MED12L: variants seen among roughly 807,000 people sequenced by gnomAD.
The protein encoded by MED12L is mediator complex subunit 12L.
In MED12L, 60 loss-of-function variants were observed where a neutral mutation model predicts 281.3. The ratio of observed to expected loss-of-function variants is 0.21; its 90% CI spans 0.17 to 0.26. MED12L has a LOEUF of 0.26. Ranked by LOEUF, MED12L falls within the 10% of genes least tolerant of loss-of-function variation. MED12L has a pLI of 1.00. For missense variants in MED12L, 2,146 were observed against 2,680.9 expected, an observed-to-expected ratio of 0.80 and a Z score of 4.41; for synonymous variants, 974 against 987.2, an observed-to-expected ratio of 0.99 and a Z score of 0.25.
intron 16 of MED12L, among the ~76,000 whole-genome samples, chr3:151,233,214 C>T (rs947499045): frequency 3.3e-5 from 5 of 152,310 alleles, no homozygotes; most frequent in Admixed American, 3.3e-4. Flanking sequence ...CACAGGGTAG[C>T]ACTCTCGTGC....
Position 151,403,728 on chromosome 3 carries a change from A to T in MED12L, c.5821-5515A>T, listed in dbSNP as rs557770775. Among the ~76,000 whole-genome samples the T allele has an allele frequency of 1.1e-4, 17 of 152,334 alleles. No individual in the cohort carries two copies. In the Middle Eastern group the frequency reaches 0.01, roughly 91 times the overall value. ...AAAAAGAGCACACATCTCAGATGTG[A>T]CTGTAAGTTAACTTGTTTCACTGCC... On this transcript the variant is annotated intron_variant, in intron 39 of 44. Coordinates refer to ENST00000687756, the MANE Select transcript of MED12L (RefSeq NM_001393769.1).
chr3:151,326,176 A>C (rs1749565457), intron 16 of MED12L: 1 of 152,588 alleles, frequency 6.6e-6, no homozygotes, highest in South Asian at 2.1e-4. Flanking sequence ...TTCAGGCCCT[A>C]CATACATGTT....
chr3:151,182,101 G>A (rs993413724), intron 11 of MED12L, among the ~76,000 whole-genome samples: 5 of 152,020 alleles, frequency 3.3e-5, no homozygotes, highest in Non-Finnish European at 5.9e-5. Context: ...AATTAGGAGA[G>A]AAAAAATGTC....
At chr3:151,193,761 A>G in intron 16 of MED12L, 95 bp downstream of exon 16, 6 of 1,132,080 alleles carry the variant, frequency 5.3e-6, no homozygotes, top group Non-Finnish European at 7.5e-6. Flanking sequence ...TTCTTGACTA[A>G]TAATGATAGC....
At chr3:151,384,901 G>A in intron 35 of MED12L, 129 bp from the exon 36 acceptor site, 1 of 678,192 alleles carries the variant, frequency 1.5e-6, no homozygotes, top group Non-Finnish European at 2.7e-6. Flanking sequence ...ACATGTTCAG[G>A]GTTAAAGAAC....
At chr3:151,272,985 T>C (rs919286428) in intron 16 of MED12L, among the ~76,000 whole-genome samples, 4 of 152,168 alleles carry the variant, frequency 2.6e-5, no homozygotes, top group African/African-American at 7.2e-5. Flanking sequence ...AGGGCTGACA[T>C]GACTCTCAAA....
At chr3:151,134,565 A>G (rs1194104842) in intron 5 of MED12L, among the ~76,000 whole-genome samples, 1 of 152,180 alleles carries the variant, frequency 6.6e-6, no homozygotes, top group Non-Finnish European at 1.5e-5. Flanking sequence ...CCAAACAATC[A>G]AATATTAGAG....
chr3:151,394,567 TAGA>T (rs1714712096), intron 38 of MED12L, 86 bp from the exon 39 acceptor site: 1 of 1,571,916 alleles, frequency 6.4e-7, no homozygotes, highest in Admixed American at 1.9e-5. Context: ...AAGTGAGACT[TAGA>T]AGGTGAAATT....
intron 16 of MED12L, among the ~76,000 whole-genome samples, chr3:151,318,560 T>A (rs1311976182): frequency 6.6e-6 from 1 of 152,110 alleles, no homozygotes; most frequent in African/African-American, 2.4e-5. Flanking sequence ...AAGGCATCAG[T>A]CAAAGGGAGA....
intron 44 of MED12L, 103 bp from the exon 45 acceptor site, chr3:151,432,649 C>A (rs1288361418): frequency 2.4e-6 from 2 of 838,176 alleles, no homozygotes; most frequent in Non-Finnish European, 3.9e-6. Context: ...ATTCTGTTTC[C>A]CTGTACCTGC....
At position 151,313,365 on chromosome 3, in the gene MED12L, A is replaced by G. The variant is rs1016629; in HGVS notation, c.2251-36694A>G. Among the ~76,000 whole-genome samples the G allele has an allele frequency of 6.8e-3, 1,042 of 152,288 alleles. 10 individuals are homozygous for G. The highest frequency in any genetic ancestry group is 0.024 in the South Asian group (115 of 4,828). The stretch of plus-strand genomic sequence containing the variant: ...TATATGGTAAATATACAATAAGTCT[A>G]TATCATTTTACATATGAAACTACCC... On this transcript the variant is annotated intron_variant, in intron 16 of 44. Transcript: ENST00000687756.
intron 16 of MED12L, among the ~76,000 whole-genome samples, chr3:151,214,824 T>C (rs1727880236): frequency 6.6e-6 from 1 of 152,224 alleles, no homozygotes; most frequent in Non-Finnish European, 1.5e-5. Context: ...AGGTAGTAAC[T>C]GTAAAAGCAG....
At chr3:151,128,120 A>ATAG in intron 5 of MED12L, 136 bp downstream of exon 5, 1 of 699,250 alleles carries the variant, frequency 1.4e-6, no homozygotes, top group East Asian at 2.7e-5. Flanking sequence ...TCGGGTATGG[A>ATAG]TAGGGCAGCT....
chr3:151,235,893 A>G (rs1732670029), intron 16 of MED12L, among the ~76,000 whole-genome samples: 1 of 151,994 alleles, frequency 6.6e-6, no homozygotes, highest in South Asian at 2.1e-4. Flanking sequence ...CCTATGTCGC[A>G]TTCTCTAGCC....
intron 16 of MED12L, among the ~76,000 whole-genome samples, chr3:151,238,449 G>A (rs1425080539): frequency 6.6e-6 from 1 of 152,170 alleles, no homozygotes; most frequent in African/African-American, 2.4e-5. Flanking sequence ...GCCCAGCCTG[G>A]AACAGTGGTT....
chr3:151,279,465 C>T lies in MED12L; in HGVS notation c.2251-70594C>T, dbSNP rs560427433. Reference sequence around the variant, plus strand: ...CTCATGAAGAGTATTTTCTTACTTTCTGTCTCACAGACTTGCTAGTCACTG... The same window carrying T: ...CTCATGAAGAGTATTTTCTTACTTTTTGTCTCACAGACTTGCTAGTCACTG... On this transcript the variant is annotated intron_variant, in intron 16 of 44. Transcript: ENST00000687756. 6.4e-3 allele frequency among the ~76,000 whole-genome samples: 982 copies of T among 152,336 alleles called. 8 individuals are homozygous for T. Among genetic ancestry groups the T allele is most frequent in the South Asian group, 0.014 (67 of 4,832 alleles).
chr3:151,183,122 T>TC (rs397709257), intron 11 of MED12L, among the ~76,000 whole-genome samples: 15 of 151,854 alleles, frequency 9.9e-5, no homozygotes, highest in Non-Finnish European at 1.5e-4. Context: ...TACATTTTTT[T>TC]CCCCAAAACA....
intron 3 of MED12L, among the ~76,000 whole-genome samples, chr3:151,117,810 G>A (rs1277885528): frequency 6.6e-6 from 1 of 152,016 alleles, no homozygotes; most frequent in Non-Finnish European, 1.5e-5. Flanking sequence ...TAGGAATATA[G>A]GCTGGCGTGG....
rs1714760671 is a variant in MED12L, at chr3:151,127,845, A to G, written c.417A>G (p.Lys139=). ...TTTAGGTTCCTATCCTTAGTAAAAA[A>G]GAGGATGTTTTTGCATATTTAGCTA... ...LAKKVPILSK[K]EDVFAYLAKY... Residue 139 remains lysine (K), a synonymous_variant, in exon 5 of 45, where the codon AAA becomes AAG. Transcript: ENST00000687756. 1 of 1,610,850 alleles carries G rather than the reference A, an allele frequency of 6.2e-7. No individual in the cohort carries two copies. The highest frequency in any genetic ancestry group is 8.5e-7 in the Non-Finnish European group (1 of 1,177,368).
Sources: allele counts gnomAD v4.1 joint callset (sites outside exome capture counted in the v4.1 genomes callset), GRCh38; gene constraint gnomAD v4.1.1; transcripts MANE v1.5; gene names NCBI Gene and HGNC (gene_info 2026-07-23, HGNC 2026-07-21).